Variants in SLC9A4 observed in about 807,000 individuals in gnomAD.
The protein encoded by SLC9A4 is sodium/hydrogen exchanger 4.
Under a neutral mutation model 67.4 loss-of-function variants are expected in SLC9A4, and 63 were observed. The observed-to-expected ratio is 0.93, with a 90% CI of 0.76 to 1.15. The LOEUF is 1.15. Ranked by LOEUF, SLC9A4 falls within the 50% of genes most tolerant of loss-of-function variation. The pLI is 0.00. For missense variants in SLC9A4, 1,089 were observed against 987.7 expected (o/e 1.10, Z -1.38); for synonymous variants, 393 against 367.2 (o/e 1.07, Z -0.80).
At chr2:102,517,352 G>T (rs1031254936) in intron 8 of SLC9A4, among the ~76,000 whole-genome samples, 2 of 152,120 alleles carry the variant, frequency 1.3e-5, no homozygotes, top group Admixed American at 6.6e-5. Context: ...AGTCATATTT[G>T]ATATCTTGGA....
chr2:102,512,348 G>C, intron 7 of SLC9A4, 75 bp downstream of exon 7: 1 of 1,513,558 alleles, frequency 6.6e-7, no homozygotes, highest in South Asian at 1.1e-5. Flanking sequence ...AAATCAGAGA[G>C]AATTCAGGGA....
chr2:102,479,344 G>T, intron 2 of SLC9A4, 42 bp downstream of exon 2: 1 of 1,548,914 alleles, frequency 6.5e-7, no homozygotes, highest in Non-Finnish European at 8.7e-7. Flanking sequence ...GGGAGATGAG[G>T]GTTCGGGGTG....
chr2:102,482,864 A>G (rs1684495009), intron 2 of SLC9A4, among the ~76,000 whole-genome samples: 1 of 152,244 alleles, frequency 6.6e-6, no homozygotes, highest in South Asian at 2.1e-4. Context: ...ACTCAGATAT[A>G]ATCTACAAAA....
At chr2:102,513,722 G>A (rs1685215222) in intron 7 of SLC9A4, among the ~76,000 whole-genome samples, 1 of 152,170 alleles carries the variant, frequency 6.6e-6, no homozygotes, top group African/African-American at 2.4e-5. Context: ...TATTAGAATG[G>A]AACACTTATT....
intron 9 of SLC9A4, 125 bp from the exon 10 acceptor site, chr2:102,524,899 C>A (rs1674626965): frequency 8.8e-7 from 1 of 1,137,480 alleles, no homozygotes. Flanking sequence ...AAGGCAAATG[C>A]TTAGCTGACC....
At chr2:102,498,047 G>A (rs1684847937) in intron 2 of SLC9A4, among the ~76,000 whole-genome samples, 2 of 152,214 alleles carry the variant, frequency 1.3e-5, no homozygotes, top group Admixed American at 1.3e-4. Context: ...CGTTTGCTGA[G>A]ACAATGAGTG....
In SLC9A4 at chr2:102,532,367, G is replaced by C; in HGVS notation, c.2076G>C (p.Thr692=). The C allele has an allele frequency of 6.2e-7, 1 of 1,614,048 alleles. No individual in the cohort carries two copies. The highest frequency in any genetic ancestry group is 8.5e-7 in the Non-Finnish European group (1 of 1,180,000). The change falls in exon 12 of 12, where the codon ACG becomes ACC. Residue 692 remains threonine (T), a synonymous_variant. Transcript: ENST00000295269. ...DSSDPGSPSI[T]FSACSRIGSL... ...GTGATCCAGGATCCCCATCCATCAC[G>C]TTCAGCGCATGCTCTCGGATAGGGT...
intron 6 of SLC9A4, among the ~76,000 whole-genome samples, chr2:102,511,363 G>C (rs1270845013): frequency 6.6e-6 from 1 of 151,888 alleles, no homozygotes; most frequent in Admixed American, 6.6e-5. Flanking sequence ...TTATTATTTC[G>C]ACATATTGCA....
intron 10 of SLC9A4, 105 bp from the exon 11 acceptor site, chr2:102,526,154 C>T (rs1674660783): frequency 5.8e-6 from 7 of 1,196,662 alleles, no homozygotes; most frequent in Non-Finnish European, 8.4e-6. Context: ...TCCCAAAGTG[C>T]TGGGATTACA....
chr2:102,494,128 C>G (rs1481646458), intron 2 of SLC9A4, among the ~76,000 whole-genome samples: 1 of 151,924 alleles, frequency 6.6e-6, no homozygotes, highest in Non-Finnish European at 1.5e-5. Flanking sequence ...ATGGCCTCAG[C>G]TATCAGTGTC....
At chr2:102,516,089 A>G (rs962944942) in intron 8 of SLC9A4, among the ~76,000 whole-genome samples, 2 of 152,134 alleles carry the variant, frequency 1.3e-5, no homozygotes, top group African/African-American at 4.8e-5. Flanking sequence ...GGCAAAGCAT[A>G]TTTTGAATTT....
chr2:102,532,203 G>A (rs1038351477), intron 11 of SLC9A4, 127 bp from the exon 12 acceptor site: 1 of 1,059,908 alleles, frequency 9.4e-7, no homozygotes. Flanking sequence ...TGATAAGAAA[G>A]TTGAGTGTAG....
chr2:102,478,944 C>A lies in SLC9A4; in HGVS notation c.362C>A (p.Ser121Ter), dbSNP rs373107542. 1 of 1,613,936 alleles carries A rather than the reference C, an allele frequency of 6.2e-7. No individual in the cohort carries two copies. The highest frequency in any genetic ancestry group is 1.3e-5 in the African/African-American group (1 of 74,934). Residue 121 changes from serine (S) to a stop codon, truncating the protein, a stop_gained, in exon 2 of 12, where the codon TCG (serine) becomes TAG (stop). Transcript: ENST00000295269. LOFTEE classifies it high-confidence loss of function. ...GGIIFGTDHK[S>*]PPVMDSSIYF... Reference sequence around the variant, plus strand: ...ATCATCTTCGGCACCGACCACAAATCGCCTCCGGTCATGGACTCCAGCATC... The same window carrying A: ...ATCATCTTCGGCACCGACCACAAATAGCCTCCGGTCATGGACTCCAGCATC...
chr2:102,516,253 G>A (rs1409271579), intron 8 of SLC9A4, among the ~76,000 whole-genome samples: 3 of 152,088 alleles, frequency 2.0e-5, no homozygotes, highest in East Asian at 1.9e-4. Flanking sequence ...TTATAGGTAC[G>A]AGATAATTTT....
At chr2:102,504,924 A>G (rs557870785) in intron 3 of SLC9A4, among the ~76,000 whole-genome samples, 11 of 128,142 alleles carry the variant, frequency 8.6e-5, no homozygotes, top group African/African-American at 2.7e-4. Flanking sequence ...TAACGCAGAG[A>G]GTGTGAGTTG....
chr2:102,475,623 G>A (rs1253489280), intron 1 of SLC9A4, among the ~76,000 whole-genome samples: 1 of 152,156 alleles, frequency 6.6e-6, no homozygotes, highest in Non-Finnish European at 1.5e-5. Flanking sequence ...TTTTCATGAT[G>A]TAATTTAACA....
intron 8 of SLC9A4, among the ~76,000 whole-genome samples, chr2:102,515,184 G>A (rs897686401): frequency 1.3e-5 from 2 of 151,906 alleles, no homozygotes; most frequent in Admixed American, 1.3e-4. Context: ...TTGATCATAT[G>A]CTTCAATTAT....
intron 6 of SLC9A4, among the ~76,000 whole-genome samples, chr2:102,511,279 A>AT (rs1343752272): frequency 1.3e-5 from 2 of 152,302 alleles, no homozygotes; most frequent in East Asian, 3.9e-4. Flanking sequence ...TTTGAAAATA[A>AT]TTAACAGATA....
At chr2:102,513,328 C>T (rs527643367) in intron 7 of SLC9A4, among the ~76,000 whole-genome samples, 1 of 152,120 alleles carries the variant, frequency 6.6e-6, no homozygotes, top group Non-Finnish European at 1.5e-5. Flanking sequence ...ACCAGCAGCC[C>T]GGAAAGCTAT....
Sources: allele counts gnomAD v4.1 joint callset (sites outside exome capture counted in the v4.1 genomes callset), GRCh38; gene constraint gnomAD v4.1.1; transcripts MANE v1.5; gene names NCBI Gene and HGNC (gene_info 2026-07-23, HGNC 2026-07-21).